The following SLC38A8 variants were observed in gnomAD, a reference collection of about 807,000 sequenced individuals.
SLC38A8 encodes amino acid transporter SLC38A8.
SLC38A8 carries 65 observed loss-of-function variants against 46.0 expected under a neutral mutation model. The ratio of observed to expected loss-of-function variants is 1.41; its 90% CI spans 1.16 to 1.74. The LOEUF is 1.74. Ranked by LOEUF, SLC38A8 falls within the 40% of genes most tolerant of loss-of-function variation. The pLI is 0.00. For synonymous variants in SLC38A8, 447 were observed against 243.7 expected, an observed-to-expected ratio of 1.83 and a Z score of -7.77; for missense variants, 998 against 567.9, an observed-to-expected ratio of 1.76 and a Z score of -7.70.
At chr16:84,016,424 A>AC in intron 9 of SLC38A8, 95 bp downstream of exon 9, 1 of 1,425,932 alleles carries the variant, frequency 7.0e-7, no homozygotes, top group East Asian at 2.4e-5. Context: ...TGTGGCTCCC[A>AC]CCTTCCAGAA....
chr16:84,015,795 T>A (rs2085018159), intron 9 of SLC38A8, among the ~76,000 whole-genome samples: 2 of 152,148 alleles, frequency 1.3e-5, no homozygotes, highest in Admixed American at 1.3e-4. Flanking sequence ...AACCTCCGCC[T>A]CCCGGGTTCA....
rs750438561 is a variant in SLC38A8, at chr16:84,042,022, G to A, written c.136C>T (p.Pro46Ser). The A allele has an allele frequency of 3.1e-6, 5 of 1,613,454 alleles. No homozygotes were observed. The highest frequency in any genetic ancestry group is 2.2e-5 in the South Asian group (2 of 91,022). The change falls in exon 2 of 11, where the codon CCC becomes TCC. Residue 46 changes from proline (P) to serine (S), a missense_variant. Pro to Ser is a moderately conservative substitution (Grantham distance 74). Coordinates refer to ENST00000299709, the MANE Select transcript of SLC38A8 (RefSeq NM_001080442.3). ...SALGAGLLNFPWAFSKAGGVV... is the reference protein window; with the variant it reads ...SALGAGLLNFSWAFSKAGGVV... Reference sequence around the variant, plus strand: ...CCGCCCGCTTTGGAGAAGGCCCAGGGGAAGTTGAGCAGGCCAGCTCCCAGC... The same window carrying A: ...CCGCCCGCTTTGGAGAAGGCCCAGGAGAAGTTGAGCAGGCCAGCTCCCAGC...
chr16:84,039,472 C>T (rs983314423), intron 2 of SLC38A8, among the ~76,000 whole-genome samples: 5 of 152,110 alleles, frequency 3.3e-5, no homozygotes, highest in Admixed American at 6.6e-5. Flanking sequence ...GGGCCGGGTA[C>T]GGTGGCTCAT....
intron 9 of SLC38A8, among the ~76,000 whole-genome samples, chr16:84,015,294 C>T (rs1031297680): frequency 1.3e-5 from 2 of 152,072 alleles, no homozygotes; most frequent in Non-Finnish European, 2.9e-5. Flanking sequence ...AAGAAGCATC[C>T]CTCCAGCCCC....
At chr16:84,024,575 G>C (rs987999277) in intron 6 of SLC38A8, among the ~76,000 whole-genome samples, 1 of 151,742 alleles carries the variant, frequency 6.6e-6, no homozygotes. Flanking sequence ...GAGGTCTGGA[G>C]TTCGAGACCA....
chr16:84,014,441 C>G (rs570839698), intron 9 of SLC38A8, among the ~76,000 whole-genome samples: 1 of 152,124 alleles, frequency 6.6e-6, no homozygotes, highest in Admixed American at 6.5e-5. Flanking sequence ...CACCCCTCAC[C>G]TCTGAAAGCC....
At chr16:84,013,318 GC>G (rs200624025) in intron 9 of SLC38A8, among the ~76,000 whole-genome samples, 2 of 151,248 alleles carry the variant, frequency 1.3e-5, no homozygotes, top group Non-Finnish European at 2.9e-5. Context: ...TTGACAACAT[GC>G]CCCCCCACAG....
intron 2 of SLC38A8, among the ~76,000 whole-genome samples, chr16:84,037,452 G>A (rs1433957705): frequency 2.6e-5 from 4 of 152,324 alleles, no homozygotes; most frequent in African/African-American, 4.8e-5. Flanking sequence ...TCGGCTCAGC[G>A]TGTCAGTGCT....
chr16:84,018,178 T>C (rs574046080), intron 7 of SLC38A8, among the ~76,000 whole-genome samples: 6 of 150,012 alleles, frequency 4.0e-5, no homozygotes. Context: ...AGAGGTGGCA[T>C]AGGGCATTGT....
intron 2 of SLC38A8, among the ~76,000 whole-genome samples, chr16:84,038,240 G>A (rs2085324242): frequency 6.6e-6 from 1 of 152,034 alleles, no homozygotes; most frequent in Admixed American, 6.5e-5. Context: ...GAACCCAAGA[G>A]GCGGAAGTTG....
chr16:84,029,244 T>G (rs1261666356), intron 6 of SLC38A8, among the ~76,000 whole-genome samples: 2 of 152,170 alleles, frequency 1.3e-5, no homozygotes, highest in Non-Finnish European at 2.9e-5. Flanking sequence ...GGTGCTGCTT[T>G]TGGCCATCAG....
intron 6 of SLC38A8, among the ~76,000 whole-genome samples, chr16:84,023,599 G>A (rs1242565594): frequency 6.6e-6 from 1 of 152,102 alleles, no homozygotes; most frequent in South Asian, 2.1e-4. Context: ...AACACCACAG[G>A]AAGCCACATA....
intron 6 of SLC38A8, among the ~76,000 whole-genome samples, chr16:84,027,908 A>G (rs1199220144): frequency 6.6e-6 from 1 of 152,246 alleles, no homozygotes; most frequent in African/African-American, 2.4e-5. Context: ...AACAGTTGAC[A>G]GCAAAATCAG....
chr16:84,014,717 G>C (rs7194792), intron 9 of SLC38A8, among the ~76,000 whole-genome samples: 14 of 152,054 alleles, frequency 9.2e-5, no homozygotes, highest in South Asian at 2.1e-4. Context: ...CCCAATTTAC[G>C]GGAGCTGGGG....
chr16:84,042,193 G>C (rs758343700), intron 1 of SLC38A8, 34 bp from the exon 2 acceptor site: 3 of 1,565,108 alleles, frequency 1.9e-6, no homozygotes, highest in East Asian at 2.3e-5. Context: ...AGAAAGCACA[G>C]TCTTCACGCT....
intron 3 of SLC38A8, among the ~76,000 whole-genome samples, chr16:84,035,594 T>C (rs559231018): frequency 6.6e-6 from 1 of 152,146 alleles, no homozygotes; most frequent in Non-Finnish European, 1.5e-5. Context: ...AAAAAGGACA[T>C]ATAAACACAT....
At chr16:84,029,971 C>T (rs1047610671) in intron 5 of SLC38A8, among the ~76,000 whole-genome samples, 5 of 152,144 alleles carry the variant, frequency 3.3e-5, no homozygotes, top group Non-Finnish European at 7.4e-5. Flanking sequence ...CAGAGGTCTG[C>T]GTGGGGAGAA....
chr16:84,041,960 G>T lies in SLC38A8; in HGVS notation c.189+9C>A. 1 of 1,573,078 alleles carries T rather than the reference G, an allele frequency of 6.4e-7. No individual in the cohort carries two copies. Among genetic ancestry groups the T allele is most frequent in the East Asian group, 2.3e-5 (1 of 44,158 alleles). On this transcript the variant is annotated intron_variant, in intron 2 of 10. Transcript: ENST00000299709. ...ACCCGTCCCCAGGACTCACTTCCCGGGGACTTACCAGCTCCACCAGGAAGG... is the reference window on the plus strand; with the variant it reads ...ACCCGTCCCCAGGACTCACTTCCCGTGGACTTACCAGCTCCACCAGGAAGG...
chr16:84,025,295 C>G (rs1162919785), intron 6 of SLC38A8, among the ~76,000 whole-genome samples: 1 of 152,136 alleles, frequency 6.6e-6, no homozygotes, highest in East Asian at 1.9e-4. Flanking sequence ...CCTGTAGGGA[C>G]CCTACGCAGG....
Sources: gnomAD v4.1 joint callset for allele counts (sites outside exome capture counted in the v4.1 genomes callset) on GRCh38, gnomAD v4.1.1 for gene constraint, MANE v1.5 for transcripts, NCBI Gene and HGNC (gene_info 2026-07-23, HGNC 2026-07-21) for gene names.